TSEN2: variants seen among roughly 807,000 people sequenced by gnomAD.
TSEN2 encodes tRNA splicing endonuclease subunit 2.
A neutral mutation model predicts 59.2 loss-of-function variants in TSEN2; 54 were observed. That is an observed-to-expected ratio of 0.91 (90% CI 0.73 to 1.14). The LOEUF is 1.14. Ranked by LOEUF, TSEN2 falls within the 50% of genes most tolerant of loss-of-function variation. The probability of loss-of-function intolerance (pLI) is 0.00; values close to 1 mark genes in which losing one functional copy is unlikely to be tolerated. For synonymous variants in TSEN2, 195 were observed against 198.2 expected (o/e 0.98, Z 0.14); for missense variants, 636 against 576.2 (o/e 1.10, Z -1.06).
At chr3:12,482,340 C>G (rs981198884), upstream of TSEN2, among the ~76,000 whole-genome samples, 8 of 152,080 alleles carry the variant, frequency 5.3e-5, no homozygotes, top group Non-Finnish European at 1.0e-4. Context: ...AGGCTGGTCT[C>G]GAACTCCCAA....
chr3:12,485,809 A>G (rs913776146), intron 1 of TSEN2, among the ~76,000 whole-genome samples: 28 of 152,238 alleles, frequency 1.8e-4, no homozygotes, highest in African/African-American at 6.5e-4. Flanking sequence ...AGTCTTTCCT[A>G]TATGTTTTTG....
chr3:12,531,159 C>T, intron 10 of TSEN2: 1 of 191,190 alleles, frequency 5.2e-6, no homozygotes, highest in Non-Finnish European at 1.1e-5. Flanking sequence ...ATAATCTAAT[C>T]ACCTCCCACG....
chr3:12,498,607 CAA>C (rs1216071685), intron 4 of TSEN2, among the ~76,000 whole-genome samples: 1 of 152,118 alleles, frequency 6.6e-6, no homozygotes, highest in African/African-American at 2.4e-5. Context: ...ATTAACATAA[CAA>C]AGGACAAAGT....
intron 8 of TSEN2, among the ~76,000 whole-genome samples, chr3:12,523,820 G>A (rs1014862146): frequency 1.3e-5 from 2 of 152,036 alleles, no homozygotes; most frequent in Non-Finnish European, 2.9e-5. Flanking sequence ...AATTACAGGC[G>A]TGAGCCGTGG....
chr3:12,523,169 G>A (rs890070761), intron 8 of TSEN2, among the ~76,000 whole-genome samples: 2 of 152,108 alleles, frequency 1.3e-5, no homozygotes, highest in Non-Finnish European at 1.5e-5. Flanking sequence ...GAAAACTAAC[G>A]CAGGATTTAT....
At chr3:12,487,955 G>A (rs1043991825) in intron 1 of TSEN2, among the ~76,000 whole-genome samples, 1 of 150,478 alleles carries the variant, frequency 6.6e-6, no homozygotes, top group Non-Finnish European at 1.5e-5. Flanking sequence ...GGCAATTCTA[G>A]GAAGGTTCCA....
intron 6 of TSEN2, chr3:12,505,463 GTT>G: frequency 2.0e-6 from 1 of 489,184 alleles, no homozygotes; most frequent in East Asian, 3.6e-5. Context: ...GATTCGAGGG[GTT>G]TTTCTGAGTA....
intron 4 of TSEN2, among the ~76,000 whole-genome samples, chr3:12,502,744 A>G (rs2054422056): frequency 1.3e-5 from 2 of 150,546 alleles, no homozygotes; most frequent in South Asian, 4.2e-4. Flanking sequence ...AAAAGCAAAG[A>G]AACAAGAAGT....
chr3:12,503,835 A>T, intron 5 of TSEN2, 51 bp downstream of exon 5: 2 of 1,580,380 alleles, frequency 1.3e-6, no homozygotes, highest in African/African-American at 1.3e-5. Context: ...GTTCCTGGAG[A>T]TGTTGGCTAA....
At chr3:12,533,817 C>T (rs374412064), downstream of TSEN2, among the ~76,000 whole-genome samples, 15 of 151,976 alleles carry the variant, frequency 9.9e-5, no homozygotes, top group East Asian at 5.8e-4. Context: ...GCTGCAAACC[C>T]TTACATGTTT....
rs12486196 is a variant in TSEN2 at position 12,489,666 on chromosome 3, T to A, written c.-17-118T>A. On this transcript the variant is annotated intron_variant, in intron 1 of 11. Transcript: ENST00000284995. ...TTTTAGTTTATTGCTTTATAAATACTCTATTTCTTCCCACAGACCACTAAG... is the reference window on the plus strand; with the variant it reads ...TTTTAGTTTATTGCTTTATAAATACACTATTTCTTCCCACAGACCACTAAG... 26,240 of 793,448 alleles carry A rather than the reference T, an allele frequency of 0.033. 1,270 individuals are homozygous for A. Among genetic ancestry groups the A allele is most frequent in the African/African-American group, 0.17 (9,830 of 58,150 alleles). The allele number at this position is 793,448 out of a possible 1,614,324, so 49.2% of individuals were successfully genotyped here. A position where few individuals can be genotyped will look rare whatever the true frequency, so the allele number is the denominator to read the frequency against.
intron 8 of TSEN2, among the ~76,000 whole-genome samples, chr3:12,524,809 C>G (rs1326136129): frequency 6.8e-6 from 1 of 146,806 alleles, no homozygotes; most frequent in Non-Finnish European, 1.5e-5. Context: ...GTGGCGCGAT[C>G]TCAGCTCACT....
rs183722192 is a variant in TSEN2 at position 12,491,574 on chromosome 3, G to T, written c.190-562G>T. Among the ~76,000 whole-genome samples the T allele has an allele frequency of 3.3e-5, 5 of 152,256 alleles. No homozygotes were observed. The East Asian group carries it at 9.6e-4, about 29-fold the overall frequency. ...GCCTGCCCTCGGCTTATCAGACCTA[G>T]ACTGAAAGCATTAGTTATGGGATAA... is the stretch of plus-strand genomic sequence containing the variant. On this transcript the variant is annotated intron_variant, in intron 2 of 11. Coordinates refer to ENST00000284995, the MANE Select transcript of TSEN2 (RefSeq NM_025265.4).
intron 2 of TSEN2, among the ~76,000 whole-genome samples, chr3:12,491,706 A>G (rs1364086840): frequency 1.3e-5 from 2 of 152,248 alleles, no homozygotes; most frequent in Admixed American, 6.5e-5. Flanking sequence ...ATGTAAAGAC[A>G]TGAAAAGTGG....
intron 8 of TSEN2, among the ~76,000 whole-genome samples, chr3:12,522,782 GA>G (rs2056753975): frequency 6.6e-6 from 1 of 152,182 alleles, no homozygotes; most frequent in Non-Finnish European, 1.5e-5. Flanking sequence ...GCAGTATTTG[GA>G]AGAGGTGATA....
downstream of TSEN2, among the ~76,000 whole-genome samples, chr3:12,535,857 G>A (rs147347320): frequency 6.6e-6 from 1 of 152,258 alleles, no homozygotes; most frequent in African/African-American, 2.4e-5. Context: ...GAAAACTCGG[G>A]TCCACATTTC....
At chr3:12,529,391 A>G (rs299633) in intron 9 of TSEN2, among the ~76,000 whole-genome samples, 97,263 of 151,174 alleles carry the variant, frequency 0.64, 33,771 homozygotes, top group African/African-American at 0.9. Flanking sequence ...GCTTGAACCC[A>G]GGAGGCGGAG....
upstream of TSEN2, among the ~76,000 whole-genome samples, chr3:12,480,528 G>GTTTTTT (rs752340308): frequency 2.3e-4 from 21 of 91,736 alleles, 1 homozygote; most frequent in Non-Finnish European, 3.1e-4. Context: ...TTGTTTCTTT[G>GTTTTTT]TTTTTTTTTT....
intron 6 of TSEN2, among the ~76,000 whole-genome samples, chr3:12,513,222 C>A (rs1356374556): frequency 6.6e-6 from 1 of 152,148 alleles, no homozygotes; most frequent in Non-Finnish European, 1.5e-5. Flanking sequence ...GAAAACACAT[C>A]AGTTTTTGAA....
Sources: allele counts gnomAD v4.1 joint callset (sites outside exome capture counted in the v4.1 genomes callset), GRCh38; gene constraint gnomAD v4.1.1; transcripts MANE v1.5; gene names NCBI Gene and HGNC (gene_info 2026-07-23, HGNC 2026-07-21).